Variants in SLIT2 observed in about 807,000 individuals in gnomAD.
SLIT2 encodes the protein slit homolog 2 protein.
A neutral mutation model predicts 185.7 loss-of-function variants in SLIT2; 41 were observed. The observed-to-expected ratio is 0.22, with a 90% CI of 0.17 to 0.29. The LOEUF is 0.29. SLIT2 is among the 10% of genes least tolerant of loss of function. SLIT2 has a pLI of 1.00. For synonymous variants in SLIT2, 693 were observed against 680.2 expected (o/e 1.02, Z -0.29); for missense variants, 1,571 against 1,909.0 (o/e 0.82, Z 3.30).
At chr4:20,563,822 C>A (rs1251213692) in intron 26 of SLIT2, among the ~76,000 whole-genome samples, 5 of 151,630 alleles carry the variant, frequency 3.3e-5, no homozygotes, top group Admixed American at 3.3e-4. Flanking sequence ...TCAGTACTTG[C>A]CGTAATTTTG....
chr4:20,305,117 C>T (rs1025969199), intron 4 of SLIT2, among the ~76,000 whole-genome samples: 12 of 152,154 alleles, frequency 7.9e-5, no homozygotes, highest in Non-Finnish European at 8.8e-5. Flanking sequence ...GCAAGCCATG[C>T]TCATGATGCT....
intron 34 of SLIT2, among the ~76,000 whole-genome samples, chr4:20,613,768 C>T (rs1014180554): frequency 5.3e-5 from 8 of 152,150 alleles, no homozygotes; most frequent in Non-Finnish European, 1.0e-4. Flanking sequence ...GAAGGTGTTG[C>T]CTCAGCATCT....
At chr4:20,371,432 G>A (rs1723565227) in intron 4 of SLIT2, among the ~76,000 whole-genome samples, 1 of 152,044 alleles carries the variant, frequency 6.6e-6, no homozygotes, top group East Asian at 1.9e-4. Context: ...AATAGAAGCA[G>A]TATATTAAAA....
intron 4 of SLIT2, among the ~76,000 whole-genome samples, chr4:20,344,769 CCTCT>C (rs1721248637): frequency 6.6e-6 from 1 of 152,182 alleles, no homozygotes; most frequent in Non-Finnish European, 1.5e-5. Context: ...TCCCCTTTAA[CCTCT>C]GTGGGTTAAG....
chr4:20,480,879 T>C (rs547828316), intron 6 of SLIT2, 92 bp downstream of exon 6: 2 of 913,068 alleles, frequency 2.2e-6, no homozygotes, highest in Non-Finnish European at 3.6e-6. Context: ...TAAAACCTTG[T>C]TGTCAAAATA....
intron 4 of SLIT2, among the ~76,000 whole-genome samples, chr4:20,406,018 A>T (rs567337708): frequency 6.9e-6 from 1 of 144,310 alleles, no homozygotes; most frequent in African/African-American, 2.4e-5. Context: ...TTTTGAGCTA[A>T]TTCAGCCCTT....
rs1288454025 is a variant in SLIT2, at chr4:20,528,199, C to T, written c.1463-750C>T. The T allele has an allele frequency of 3.8e-6, 2 of 526,092 alleles. No homozygotes were observed. Among genetic ancestry groups the T allele is most frequent in the South Asian group, 1.4e-5 (1 of 70,452 alleles). The allele number at this position is 526,092 out of a possible 1,614,324, so 32.6% of individuals were successfully genotyped here. On this transcript the variant is annotated intron_variant, in intron 15 of 36. Transcript: ENST00000504154. This position sits in a 1 kb window ranked among gnomAD's most constrained non-coding sequence, Gnocchi z 4.2. ...ATGTCATGTAAACAGTATTACGTTT[C>T]CAGAACGTCTGTAGCTTTTCTCCTC... is the stretch of plus-strand genomic sequence containing the variant.
intron 4 of SLIT2, among the ~76,000 whole-genome samples, chr4:20,355,069 T>G (rs1214409059): frequency 6.6e-6 from 1 of 152,204 alleles, no homozygotes; most frequent in Non-Finnish European, 1.5e-5. Flanking sequence ...ATTTTCGTGT[T>G]GATTAAAGTT....
intron 34 of SLIT2, among the ~76,000 whole-genome samples, chr4:20,614,598 A>T (rs1729499479): frequency 6.6e-6 from 1 of 151,494 alleles, no homozygotes; most frequent in Admixed American, 6.6e-5. Flanking sequence ...ACCAATATGG[A>T]GAAACCTGGT....
At chr4:20,269,196 T>G (rs1713343819) in intron 4 of SLIT2, among the ~76,000 whole-genome samples, 1 of 151,890 alleles carries the variant, frequency 6.6e-6, no homozygotes, top group Non-Finnish European at 1.5e-5. Context: ...GGGAGAAAAT[T>G]GCTACTGTTT....
At chr4:20,599,169 T>C (rs1728218311) in intron 33 of SLIT2, among the ~76,000 whole-genome samples, 2 of 152,182 alleles carry the variant, frequency 1.3e-5, no homozygotes, top group South Asian at 2.1e-4. Flanking sequence ...ATCTTGACCA[T>C]CCATTTTGGA....
In SLIT2 at chr4:20,600,549, A is replaced by G. The variant is rs546921282; in HGVS notation, c.3692+2154A>G. 5.3e-5 allele frequency among the ~76,000 whole-genome samples: 8 copies of G among 151,224 alleles called. No individual in the cohort carries two copies. The South Asian group carries it at 1.5e-3, about 28-fold the overall frequency. On this transcript the variant is annotated intron_variant, in intron 33 of 36. Coordinates refer to ENST00000504154, the MANE Select transcript of SLIT2 (RefSeq NM_004787.4). Reference sequence around the variant, plus strand: ...GCCATTCTCCTGCCTCGGCCTCCCAAGTAGCTGGGACTACGGGCACCCACC... The same window carrying G: ...GCCATTCTCCTGCCTCGGCCTCCCAGGTAGCTGGGACTACGGGCACCCACC...
chr4:20,570,515 G>A (rs1044311142), intron 29 of SLIT2, among the ~76,000 whole-genome samples: 7 of 151,506 alleles, frequency 4.6e-5, no homozygotes, highest in Non-Finnish European at 1.5e-5. Context: ...CCCGATGTTT[G>A]CACTAAAATC....
At chr4:20,541,348 G>C in intron 19 of SLIT2, 105 bp from the exon 20 acceptor site, 1 of 906,104 alleles carries the variant, frequency 1.1e-6, no homozygotes, top group South Asian at 1.7e-5. Flanking sequence ...AAAGAAGAAG[G>C]AATCATTCCA....
At chr4:20,540,396 A>T (rs975936373) in intron 19 of SLIT2, among the ~76,000 whole-genome samples, 1 of 152,202 alleles carries the variant, frequency 6.6e-6, no homozygotes, top group African/African-American at 2.4e-5. Flanking sequence ...TATTAGCAAA[A>T]TATTGAAGAA....
chr4:20,339,536 A>G (rs558653355), intron 4 of SLIT2, among the ~76,000 whole-genome samples: 5 of 152,334 alleles, frequency 3.3e-5, no homozygotes, highest in South Asian at 2.1e-4. Context: ...ATGAATTTCT[A>G]TGTGATTTTC....
intron 4 of SLIT2, among the ~76,000 whole-genome samples, chr4:20,307,882 C>G (rs961268234): frequency 6.6e-6 from 1 of 152,272 alleles, no homozygotes; most frequent in East Asian, 1.9e-4. Context: ...CACTGCCTGT[C>G]CCCTGACCAC....
rs555817751 is a variant in SLIT2, at chr4:20,609,377, A to G, written c.3693-636A>G. On this transcript the variant is annotated intron_variant, in intron 33 of 36. Transcript: ENST00000504154. The stretch of plus-strand genomic sequence containing the variant: ...ATCACTATGTTAAGCATTTTATTTA[A>G]TCTGTTATTCCCATGTCTCCACTGA... 3.3e-5 allele frequency among the ~76,000 whole-genome samples: 5 copies of G among 152,182 alleles called. No individual in the cohort carries two copies. In the East Asian group the frequency reaches 7.7e-4, roughly 23 times the overall value.
At chr4:20,301,355 A>G (rs1273981426) in intron 4 of SLIT2, among the ~76,000 whole-genome samples, 1 of 152,162 alleles carries the variant, frequency 6.6e-6, no homozygotes, top group East Asian at 1.9e-4. Context: ...GCAATGCTGC[A>G]GTGAATCATG....
Sources: allele counts gnomAD v4.1 joint callset (sites outside exome capture counted in the v4.1 genomes callset), GRCh38; gene constraint gnomAD v4.1.1; non-coding constraint Gnocchi (gnomAD v3.1); transcripts MANE v1.5; gene names NCBI Gene and HGNC (gene_info 2026-07-23, HGNC 2026-07-21).